Variants in ABCA13 observed in about 807,000 individuals in gnomAD.
The protein encoded by ABCA13 is ATP-binding cassette sub-family A member 13.
Under a neutral mutation model 478.7 loss-of-function variants are expected in ABCA13, and 476 were observed. The observed-to-expected ratio is 0.99, with a 90% CI of 0.92 to 1.07. The LOEUF (loss-of-function observed/expected upper bound fraction) is 1.07, where lower values mean the gene tolerates loss of function less well. Among genes scored for constraint, ABCA13 ranks in the 50% least tolerant of loss-of-function variants. ABCA13 has a pLI of 0.00. For missense variants in ABCA13, 6,060 were observed against 5,910.6 expected, an observed-to-expected ratio of 1.03 and a Z score of -0.83; for synonymous variants, 2,252 against 2,158.9, an observed-to-expected ratio of 1.04 and a Z score of -1.20.
intron 2 of ABCA13, among the ~76,000 whole-genome samples, chr7:48,195,979 G>A (rs1797872941): frequency 6.6e-6 from 1 of 152,086 alleles, no homozygotes; most frequent in African/African-American, 2.4e-5. Context: ...GGGAAGGTAA[G>A]TGATAGAAAA....
chr7:48,364,209 G>T (rs1811325935), intron 31 of ABCA13, among the ~76,000 whole-genome samples: 1 of 152,084 alleles, frequency 6.6e-6, no homozygotes. Flanking sequence ...TTCTCACATA[G>T]CCTCCGTCTT....
intron 24 of ABCA13, among the ~76,000 whole-genome samples, chr7:48,311,628 G>C (rs1407286748): frequency 1.3e-5 from 2 of 152,200 alleles, no homozygotes; most frequent in East Asian, 3.9e-4. Context: ...TGAAGGATAA[G>C]ATAGTGGGTT....
intron 41 of ABCA13, among the ~76,000 whole-genome samples, chr7:48,418,209 C>A (rs372641126): frequency 6.6e-6 from 1 of 152,204 alleles, no homozygotes; most frequent in South Asian, 2.1e-4. Context: ...CCTAAGACTG[C>A]AACTGCTGTA....
intron 55 of ABCA13, among the ~76,000 whole-genome samples, chr7:48,536,511 G>C (rs2131094753): frequency 6.6e-6 from 1 of 152,082 alleles, no homozygotes; most frequent in South Asian, 2.1e-4. Flanking sequence ...ACGTGGGCGT[G>C]GTGGTGTGTG....
At chr7:48,559,729 A>T (rs1261570933) in intron 55 of ABCA13, among the ~76,000 whole-genome samples, 2 of 152,100 alleles carry the variant, frequency 1.3e-5, no homozygotes, top group East Asian at 3.9e-4. Context: ...AGGACTCAAA[A>T]GTTCTTTCGT....
At position 48,239,139 on chromosome 7, in the gene ABCA13, T is replaced by C. The variant is rs543130915; in HGVS notation, c.898-102T>C. ...TCACTTACTTCTTCAATCAAGCAAA[T>C]GTAAGAACTTTTACTGTGGCAAGAT... On this transcript the variant is annotated intron_variant, in intron 8 of 61. Coordinates refer to ENST00000435803, the MANE Select transcript of ABCA13 (RefSeq NM_152701.5). 175 of 1,236,082 alleles carry C rather than the reference T, an allele frequency of 1.4e-4. 2 individuals carry two copies. In the South Asian group the frequency reaches 1.5e-3, roughly 11 times the overall value. The allele number at this position is 1,236,082 out of a possible 1,614,324, so 76.6% of individuals were successfully genotyped here.
At chr7:48,185,355 T>C (rs955260178) in intron 1 of ABCA13, among the ~76,000 whole-genome samples, 2 of 152,246 alleles carry the variant, frequency 1.3e-5, no homozygotes, top group Non-Finnish European at 2.9e-5. Flanking sequence ...TATTTCAACC[T>C]GTTGATGAAA....
chr7:48,330,417 A>T (rs1417991617), intron 27 of ABCA13, among the ~76,000 whole-genome samples: 7 of 148,702 alleles, frequency 4.7e-5, no homozygotes, highest in Non-Finnish European at 8.9e-5. Flanking sequence ...CCATCCATTC[A>T]TTTATCTATT....
chr7:48,286,671 A>C (rs1187094168), intron 19 of ABCA13, among the ~76,000 whole-genome samples: 5 of 151,728 alleles, frequency 3.3e-5, no homozygotes, highest in Non-Finnish European at 5.9e-5. Context: ...TGCCCGGTTA[A>C]TTTTTGTATT....
At position 48,520,217 on chromosome 7, in the gene ABCA13, C is replaced by T. The variant is rs777892727; in HGVS notation, c.13974C>T (p.Phe4658=). Residue 4658 remains phenylalanine (F), a synonymous_variant, in exon 53 of 62, where the codon TTC becomes TTT. Coordinates refer to ENST00000435803, the MANE Select transcript of ABCA13 (RefSeq NM_152701.5). Reference sequence around the variant, plus strand: ...AGATGAACTTTCTGGGCTGGATCTTCGTGCAACTGGCCTCGCAGGGCACAG... The same window carrying T: ...AGATGAACTTTCTGGGCTGGATCTTTGTGCAACTGGCCTCGCAGGGCACAG... ...PFEMNFLGWI[F]VQLASQGTVL... 37 of 1,613,544 alleles carry T rather than the reference C, an allele frequency of 2.3e-5. No individual in the cohort carries two copies. In the Admixed American group the frequency reaches 2.3e-4, roughly 10 times the overall value.
At chr7:48,615,872 C>G (rs901688266) in intron 59 of ABCA13, among the ~76,000 whole-genome samples, 1 of 152,152 alleles carries the variant, frequency 6.6e-6, no homozygotes, top group Non-Finnish European at 1.5e-5. Flanking sequence ...TTATGAAAGA[C>G]TAAAGACTTC....
chr7:48,284,174 C>CT (rs1362429214), intron 19 of ABCA13, among the ~76,000 whole-genome samples: 1 of 152,072 alleles, frequency 6.6e-6, no homozygotes, highest in Non-Finnish European at 1.5e-5. Context: ...TCACTCATCC[C>CT]TTTTTTTGTA....
chr7:48,410,337 G>A (rs1475008162), intron 39 of ABCA13, among the ~76,000 whole-genome samples, 183 bp from the exon 40 acceptor site: 2 of 152,164 alleles, frequency 1.3e-5, no homozygotes, highest in Non-Finnish European at 2.9e-5. Context: ...AACTACTGTA[G>A]AGGAAAGAGT....
chr7:48,245,783 A>G (rs1341260626), intron 12 of ABCA13, 80 bp from the exon 13 acceptor site: 7 of 1,466,796 alleles, frequency 4.8e-6, no homozygotes, highest in Middle Eastern at 1.8e-4. Context: ...TGCTTATTAT[A>G]TTTGCAGTTC....
intron 38 of ABCA13, among the ~76,000 whole-genome samples, chr7:48,402,155 A>G (rs1002197003): frequency 1.3e-5 from 2 of 152,170 alleles, no homozygotes; most frequent in Non-Finnish European, 2.9e-5. Flanking sequence ...GCGTGGGGCC[A>G]CCCCAGAGGG....
chr7:48,290,195 A>G (rs371004720), intron 20 of ABCA13, among the ~76,000 whole-genome samples: 5 of 152,210 alleles, frequency 3.3e-5, no homozygotes, highest in African/African-American at 1.2e-4. Context: ...ATGGGGCAGA[A>G]ATTAAACTTC....
chr7:48,495,394 A>G (rs1830185921), intron 48 of ABCA13, among the ~76,000 whole-genome samples: 1 of 152,168 alleles, frequency 6.6e-6, no homozygotes. Flanking sequence ...CATCACGGTC[A>G]GTGACCATAC....
chr7:48,372,823 A>T (rs1407334677), intron 33 of ABCA13, among the ~76,000 whole-genome samples: 1 of 152,200 alleles, frequency 6.6e-6, no homozygotes, highest in Non-Finnish European at 1.5e-5. Flanking sequence ...TTCTAAAGCA[A>T]TTTTAGAAGT....
chr7:48,243,456 G>A (rs1207397181), intron 10 of ABCA13, among the ~76,000 whole-genome samples: 1 of 152,184 alleles, frequency 6.6e-6, no homozygotes, highest in East Asian at 1.9e-4. Context: ...ACTCTAGCAT[G>A]AGGTGTCAGG....
Sources: allele counts gnomAD v4.1 joint callset (sites outside exome capture counted in the v4.1 genomes callset), GRCh38; gene constraint gnomAD v4.1.1; transcripts MANE v1.5; gene names NCBI Gene and HGNC (gene_info 2026-07-23, HGNC 2026-07-21).